The following TMPRSS11F variants were observed in gnomAD, a reference collection of about 807,000 sequenced individuals.
The protein encoded by TMPRSS11F is transmembrane protease serine 11F.
TMPRSS11F carries 47 observed loss-of-function variants against 60.2 expected under a neutral mutation model. That is an observed-to-expected ratio of 0.78 (90% CI 0.62 to 1.00). The LOEUF is 1.00. Ranked by LOEUF, TMPRSS11F falls within the 50% of genes least tolerant of loss-of-function variation. TMPRSS11F has a pLI of 0.00. For missense variants in TMPRSS11F, 519 were observed against 522.9 expected (o/e 0.99, Z 0.07); for synonymous variants, 166 against 167.3 (o/e 0.99, Z 0.06).
At chr4:68,089,951 G>A (rs367807540) in intron 3 of TMPRSS11F, among the ~76,000 whole-genome samples, 9 of 151,922 alleles carry the variant, frequency 5.9e-5, no homozygotes, top group Middle Eastern at 3.4e-3. Flanking sequence ...GCTTTTCATG[G>A]GACAAAAAAT....
At chr4:68,124,364 C>T (rs909859430) in intron 1 of TMPRSS11F, among the ~76,000 whole-genome samples, 1 of 151,904 alleles carries the variant, frequency 6.6e-6, no homozygotes, top group Non-Finnish European at 1.5e-5. Flanking sequence ...TTTAGCTGTG[C>T]GTTGGGGTGC....
intron 1 of TMPRSS11F, among the ~76,000 whole-genome samples, chr4:68,121,527 T>C (rs1022521501): frequency 7.2e-5 from 11 of 152,300 alleles, no homozygotes; most frequent in African/African-American, 2.6e-4. Context: ...TCTATTTTAT[T>C]TTATATATAT....
intron 3 of TMPRSS11F, 80 bp downstream of exon 3, chr4:68,090,443 C>T (rs771654662): frequency 6.8e-7 from 1 of 1,471,942 alleles, no homozygotes; most frequent in Non-Finnish European, 9.0e-7. Context: ...GAAATTGAGA[C>T]TAAGTTCCTA....
intron 6 of TMPRSS11F, among the ~76,000 whole-genome samples, chr4:68,069,271 C>A (rs1453355862): frequency 1.3e-5 from 2 of 152,058 alleles, no homozygotes. Flanking sequence ...TGAGAGAGAG[C>A]CCAATACTAA....
chr4:68,103,798 T>C (rs1724242640), intron 1 of TMPRSS11F, among the ~76,000 whole-genome samples: 1 of 152,190 alleles, frequency 6.6e-6, no homozygotes, highest in African/African-American at 2.4e-5. Flanking sequence ...ATAGGATATC[T>C]TTCCATTTAT....
At chr4:68,072,228 A>ATATATATATATATATATATATATATAT (rs1491207172) in intron 5 of TMPRSS11F, 95 bp downstream of exon 5, 3 of 86,600 alleles carry the variant, frequency 3.5e-5, no homozygotes, top group African/African-American at 9.8e-5. Flanking sequence ...TTCCAAAAAA[A>ATATATATATATATATATATATATATAT]AAATATATAT....
rs35420726 is a variant in TMPRSS11F, at chr4:68,113,414, T to TAA, written c.12-14378_12-14377dup. Among the ~76,000 whole-genome samples the TAA allele has an allele frequency of 1.2e-3, 176 of 146,374 alleles. 1 individual carries two copies. Among genetic ancestry groups the TAA allele is most frequent in the Admixed American group, 1.6e-3 (23 of 14,734 alleles). ...ACGGCCTACTGTAAAATGAAAAATG[T>TAA]AAAAAAAAAAAAATGCAATATCCGT... On this transcript the variant is annotated intron_variant, in intron 1 of 9. Coordinates refer to ENST00000356291, the MANE Select transcript of TMPRSS11F (RefSeq NM_207407.2).
At chr4:68,085,687 G>A (rs569590420) in intron 3 of TMPRSS11F, among the ~76,000 whole-genome samples, 62 of 152,264 alleles carry the variant, frequency 4.1e-4, no homozygotes, top group African/African-American at 1.3e-3. Flanking sequence ...CATCTCACAT[G>A]TAATGACACC....
intron 1 of TMPRSS11F, among the ~76,000 whole-genome samples, chr4:68,123,276 G>A (rs1019845175): frequency 5.9e-5 from 9 of 152,132 alleles, no homozygotes; most frequent in Non-Finnish European, 1.2e-4. Context: ...AGATCAAAAA[G>A]TAAAGAACAC....
chr4:68,123,560 C>A (rs1240842913), intron 1 of TMPRSS11F, among the ~76,000 whole-genome samples: 5 of 152,154 alleles, frequency 3.3e-5, no homozygotes, highest in Non-Finnish European at 7.3e-5. Context: ...TTTCCTTTAC[C>A]TAGCAGAAAT....
intron 1 of TMPRSS11F, among the ~76,000 whole-genome samples, chr4:68,104,732 G>A (rs529828301): frequency 7.9e-5 from 12 of 152,124 alleles, no homozygotes; most frequent in African/African-American, 2.9e-4. Context: ...AAATAATGTT[G>A]AACTTTGTCA....
chr4:68,111,653 G>C (rs1724411768), intron 1 of TMPRSS11F, among the ~76,000 whole-genome samples: 1 of 152,108 alleles, frequency 6.6e-6, no homozygotes, highest in African/African-American at 2.4e-5. Context: ...ATCTTGAGGA[G>C]GAAATGAAAT....
At chr4:68,096,505 G>A (rs966827) in intron 2 of TMPRSS11F, among the ~76,000 whole-genome samples, 106,575 of 152,062 alleles carry the variant, frequency 0.7, 38,529 homozygotes, top group East Asian at 0.88. Flanking sequence ...ATGTTTTACT[G>A]CGCAGCCTGT....
chr4:68,086,041 C>A, intron 3 of TMPRSS11F, among the ~76,000 whole-genome samples: 1 of 152,068 alleles, frequency 6.6e-6, no homozygotes, highest in East Asian at 1.9e-4. Context: ...TAACAAACAC[C>A]TACAGAATAC....
intron 3 of TMPRSS11F, among the ~76,000 whole-genome samples, chr4:68,086,676 C>A (rs748192149): frequency 6.6e-6 from 1 of 151,994 alleles, no homozygotes; most frequent in African/African-American, 2.4e-5. Context: ...TCAGAAATGA[C>A]AAAGTTGACA....
At chr4:68,089,610 T>C (rs1369359137) in intron 3 of TMPRSS11F, among the ~76,000 whole-genome samples, 1 of 152,114 alleles carries the variant, frequency 6.6e-6, no homozygotes, top group East Asian at 1.9e-4. Context: ...AAAAACGCTA[T>C]TTGAATAGCC....
chr4:68,110,105 G>A (rs1159913096), intron 1 of TMPRSS11F, among the ~76,000 whole-genome samples: 1 of 151,978 alleles, frequency 6.6e-6, no homozygotes, highest in East Asian at 1.9e-4. Flanking sequence ...ATTCCGTTTG[G>A]GCACAGTCCT....
At chr4:68,074,788 GC>G (rs1723550245) in intron 3 of TMPRSS11F, among the ~76,000 whole-genome samples, 1 of 152,108 alleles carries the variant, frequency 6.6e-6, no homozygotes, top group Non-Finnish European at 1.5e-5. Flanking sequence ...TTGAGGCACT[GC>G]CTTTTTGTCA....
At chr4:68,076,978 C>T (rs561353443) in intron 3 of TMPRSS11F, among the ~76,000 whole-genome samples, 17 of 152,302 alleles carry the variant, frequency 1.1e-4, no homozygotes, top group African/African-American at 4.1e-4. Context: ...GAACACCAAG[C>T]CTGCTCATGA....
Sources: gnomAD v4.1 joint callset for allele counts (sites outside exome capture counted in the v4.1 genomes callset) on GRCh38, gnomAD v4.1.1 for gene constraint, MANE v1.5 for transcripts, NCBI Gene and HGNC (gene_info 2026-07-23, HGNC 2026-07-21) for gene names.